The following SMYD3 variants were observed in gnomAD, a reference collection of about 807,000 sequenced individuals.
The protein encoded by SMYD3 is histone-lysine N-methyltransferase SMYD3.
Under a neutral mutation model 57.7 loss-of-function variants are expected in SMYD3, and 36 were observed. The ratio of observed to expected loss-of-function variants is 0.62; its 90% CI spans 0.48 to 0.82. SMYD3 has a LOEUF of 0.82. Ranked by LOEUF, SMYD3 falls within the 40% of genes least tolerant of loss-of-function variation. The pLI, the probability that SMYD3 is intolerant of heterozygous loss-of-function variation, is 0.00. For missense variants in SMYD3, 515 were observed against 538.8 expected, an observed-to-expected ratio of 0.96 and a Z score of 0.44; for synonymous variants, 211 against 195.0, an observed-to-expected ratio of 1.08 and a Z score of -0.68.
intron 5 of SMYD3, among the ~76,000 whole-genome samples, chr1:245,988,758 C>T (rs1288122274): frequency 3.3e-5 from 5 of 152,196 alleles, no homozygotes; most frequent in Non-Finnish European, 5.9e-5. Context: ...TGGCAGAGAA[C>T]GGTTTGGGAG....
chr1:246,199,795 C>T (rs111563855), intron 5 of SMYD3, among the ~76,000 whole-genome samples: 6,751 of 152,218 alleles, frequency 0.044, 512 homozygotes, highest in African/African-American at 0.15. Flanking sequence ...AGATGCTGAG[C>T]GAGAATGTAC....
chr1:246,053,729 C>T (rs1050248446), intron 5 of SMYD3, among the ~76,000 whole-genome samples: 6 of 151,704 alleles, frequency 4.0e-5, no homozygotes, highest in Admixed American at 2.6e-4. Flanking sequence ...ACAAGAGGAT[C>T]GCTTTAGCCT....
At chr1:246,423,229 G>A (rs2067169332) in intron 1 of SMYD3, among the ~76,000 whole-genome samples, 1 of 149,992 alleles carries the variant, frequency 6.7e-6, no homozygotes, top group Non-Finnish European at 1.5e-5. Flanking sequence ...CCCGGGAAAC[G>A]AAGGTTGCAG....
chr1:246,009,387 T>A (rs1445817741), intron 5 of SMYD3, among the ~76,000 whole-genome samples: 1 of 152,112 alleles, frequency 6.6e-6, no homozygotes, highest in African/African-American at 2.4e-5. Context: ...CTAGGAAGAG[T>A]CTACAATCCT....
intron 5 of SMYD3, among the ~76,000 whole-genome samples, chr1:246,068,542 G>A (rs1034110247): frequency 6.6e-6 from 1 of 152,194 alleles, no homozygotes; most frequent in African/African-American, 2.4e-5. Flanking sequence ...GGGCAGAAAG[G>A]CTGAGGGAAG....
chr1:246,077,036 G>A (rs546272656), intron 5 of SMYD3, among the ~76,000 whole-genome samples: 2 of 152,242 alleles, frequency 1.3e-5, no homozygotes, highest in East Asian at 3.9e-4. Context: ...AGCTGGGGGT[G>A]GGGAACCAGA....
At chr1:246,021,280 C>A (rs2059466180) in intron 5 of SMYD3, among the ~76,000 whole-genome samples, 2 of 152,202 alleles carry the variant, frequency 1.3e-5, no homozygotes, top group Admixed American at 6.5e-5. Flanking sequence ...AGCCTTCTGA[C>A]ATGGGTACAG....
intron 1 of SMYD3, among the ~76,000 whole-genome samples, chr1:246,492,463 A>C (rs1401571676): frequency 6.6e-6 from 1 of 152,228 alleles, no homozygotes; most frequent in East Asian, 1.9e-4. Flanking sequence ...GACCCAAGAA[A>C]GTACTGGGGC....
intron 5 of SMYD3, among the ~76,000 whole-genome samples, chr1:246,000,913 T>C (rs1399559885): frequency 6.6e-6 from 1 of 152,214 alleles, no homozygotes; most frequent in East Asian, 1.9e-4. Context: ...CATTTCTACA[T>C]TCCACATAGA....
At chr1:246,198,106 A>G (rs2062854105) in intron 5 of SMYD3, among the ~76,000 whole-genome samples, 1 of 152,216 alleles carries the variant, frequency 6.6e-6, no homozygotes, top group South Asian at 2.1e-4. Flanking sequence ...AGTTATGTTC[A>G]GCAGTCTTTG....
intron 1 of SMYD3, among the ~76,000 whole-genome samples, chr1:246,480,877 C>A (rs2068090785): frequency 6.6e-6 from 1 of 152,046 alleles, no homozygotes; most frequent in Non-Finnish European, 1.5e-5. Flanking sequence ...CGGCTCACTG[C>A]AACCTCAGCC....
intron 5 of SMYD3, among the ~76,000 whole-genome samples, chr1:246,283,568 T>C (rs990417032): frequency 6.6e-6 from 1 of 152,238 alleles, no homozygotes; most frequent in African/African-American, 2.4e-5. Flanking sequence ...CTCATTCATA[T>C]ATACCTGTGT....
rs74569312 is a variant in SMYD3, at chr1:246,091,674, T to C, written c.532-161737A>G. 4.7e-3 allele frequency among the ~76,000 whole-genome samples: 719 copies of C among 152,276 alleles called. 2 individuals are homozygous for C. The highest frequency in any genetic ancestry group is 0.017 in the African/African-American group (694 of 41,550). ...ACATACTTGCGTGGTTTAGACAATG[T>C]CTGTGTATGACTGAAGCTTCACTTG... On this transcript the variant is annotated intron_variant, in intron 5 of 11. Transcript: ENST00000490107.
chr1:246,017,686 A>T lies in SMYD3; in HGVS notation c.532-87749T>A, dbSNP rs1321482272. Among the ~76,000 whole-genome samples the T allele has an allele frequency of 3.3e-5, 5 of 152,234 alleles. No homozygotes were observed. The South Asian group carries it at 6.2e-4, about 19-fold the overall frequency. On this transcript the variant is annotated intron_variant, in intron 5 of 11. Transcript: ENST00000490107. The stretch of plus-strand genomic sequence containing the variant: ...ACTAGGTTAAAGTGTTATCTGTCAG[A>T]CTTCTCCACTGTGAAGTTTCTCATT...
At chr1:246,080,347 T>TGGCGGGG (rs2060619254) in intron 5 of SMYD3, among the ~76,000 whole-genome samples, 1 of 152,106 alleles carries the variant, frequency 6.6e-6, no homozygotes, top group African/African-American at 2.4e-5. Flanking sequence ...TCGATTCTCA[T>TGGCGGGG]GAGGGCGTGA....
At chr1:246,059,172 G>A (rs560852026) in intron 5 of SMYD3, among the ~76,000 whole-genome samples, 4 of 152,218 alleles carry the variant, frequency 2.6e-5, no homozygotes, top group East Asian at 1.9e-4. Context: ...CACCGCACCC[G>A]GCCCACAACT....
At chr1:246,032,706 T>C (rs982566982) in intron 5 of SMYD3, among the ~76,000 whole-genome samples, 3 of 152,256 alleles carry the variant, frequency 2.0e-5, no homozygotes, top group Admixed American at 1.3e-4. Flanking sequence ...ATTGTGACTA[T>C]GAAATCATCT....
chr1:246,421,574 A>G (rs1306632594), intron 1 of SMYD3, among the ~76,000 whole-genome samples: 5 of 152,216 alleles, frequency 3.3e-5, no homozygotes, highest in African/African-American at 4.8e-5. Context: ...GGCAATATTT[A>G]TAAGACTTAA....
rs1558296855 is a variant in SMYD3 at position 245,749,581 on chromosome 1, GGCGTC to G, written c.1264_1268del (p.Asp422GlnfsTer48). ...CGTTCCCTTAGGATGCTCTGATGTT[GGCGTC>G]GCATTCTTCTAAAAGTAGAATCAAA... On this transcript the variant is annotated frameshift_variant, in exon 12 of 12. Transcript: ENST00000490107. LOFTEE classifies it high-confidence loss of function. 8.4e-5 allele frequency: 136 copies of G among 1,613,790 alleles called. No homozygotes were observed. The highest frequency in any genetic ancestry group is 1.2e-4 in the Non-Finnish European group (136 of 1,179,836).
Sources: allele counts gnomAD v4.1 joint callset (sites outside exome capture counted in the v4.1 genomes callset), GRCh38; gene constraint gnomAD v4.1.1; transcripts MANE v1.5; gene names NCBI Gene and HGNC (gene_info 2026-07-23, HGNC 2026-07-21).